Variants in JMJD1C observed in about 807,000 individuals in gnomAD.
The protein encoded by JMJD1C is jumonji domain containing 1C.
JMJD1C carries 31 observed loss-of-function variants against 245.3 expected under a neutral mutation model. The ratio of observed to expected loss-of-function variants is 0.13; its 90% CI spans 0.09 to 0.17. The LOEUF (loss-of-function observed/expected upper bound fraction) is 0.17, where lower values mean the gene tolerates loss of function less well. Among genes scored for constraint, JMJD1C ranks in the 10% least tolerant of loss-of-function variants. JMJD1C has a pLI of 1.00. For missense variants in JMJD1C, 2,691 were observed against 3,000.2 expected (o/e 0.90, Z 2.41); for synonymous variants, 1,057 against 1,017.4 (o/e 1.04, Z -0.74).
intron 1 of JMJD1C, among the ~76,000 whole-genome samples, chr10:63,475,403 T>C (rs1229515338): frequency 6.6e-6 from 1 of 152,126 alleles, no homozygotes; most frequent in South Asian, 2.1e-4. Flanking sequence ...ATGAAAATAG[T>C]TAGCGCTACC....
At chr10:63,234,510 A>ACAAAAC (rs1564654868) in intron 3 of JMJD1C, among the ~76,000 whole-genome samples, 2 of 149,822 alleles carry the variant, frequency 1.3e-5, no homozygotes, top group African/African-American at 4.9e-5. Flanking sequence ...AAAAAAAAAA[A>ACAAAAC]AAAAAAAAAA....
At chr10:63,200,804 A>G (rs1315512523) in intron 10 of JMJD1C, 127 bp from the exon 11 acceptor site, 4 of 770,776 alleles carry the variant, frequency 5.2e-6, no homozygotes, top group Non-Finnish European at 6.3e-6. Context: ...AAGCAAAGAC[A>G]TTAAGAGCTC....
upstream of JMJD1C, among the ~76,000 whole-genome samples, chr10:63,468,368 G>A (rs1310425937): frequency 6.6e-6 from 1 of 151,736 alleles, no homozygotes; most frequent in Non-Finnish European, 1.5e-5. Context: ...TTTGTTTGCT[G>A]GCATTTTTTG....
intron 1 of JMJD1C, among the ~76,000 whole-genome samples, chr10:63,493,679 G>C (rs2393976): frequency 0.14 from 21,070 of 152,166 alleles, 2,098 homozygotes; most frequent in Admixed American, 0.29. Context: ...CATATTATTA[G>C]ATAATAAATT....
rs1841975942 is a variant in JMJD1C, at chr10:63,167,651, T to G, written c.*394A>C. 6.4e-6 allele frequency: 1 copy of G among 155,518 alleles called. No homozygotes were observed. Among genetic ancestry groups the G allele is most frequent in the Non-Finnish European group, 1.4e-5 (1 of 69,980 alleles). The allele number at this position is 155,518 out of a possible 1,614,324, so 9.6% of individuals were successfully genotyped here. ...TGGTGTTTGTGTCCTATTCTCACAG[T>G]AACTGTCTCAATGTAGTGAAAAATA... On this transcript the variant is annotated 3_prime_UTR_variant, in exon 26 of 26. Coordinates refer to ENST00000399262, the MANE Select transcript of JMJD1C (RefSeq NM_032776.3).
chr10:63,326,746 G>A (rs985002792), intron 2 of JMJD1C, among the ~76,000 whole-genome samples: 2 of 152,194 alleles, frequency 1.3e-5, no homozygotes, highest in Admixed American at 6.5e-5. Context: ...TAGCGTGGTG[G>A]TGGGTGCCTA....
intron 2 of JMJD1C, among the ~76,000 whole-genome samples, chr10:63,355,764 G>A (rs1944787020): frequency 6.6e-6 from 1 of 151,908 alleles, no homozygotes; most frequent in African/African-American, 2.4e-5. Flanking sequence ...AAGGTAATGT[G>A]TGCTCATGTG....
At chr10:63,355,881 T>C (rs1487074660) in intron 2 of JMJD1C, among the ~76,000 whole-genome samples, 1 of 152,200 alleles carries the variant, frequency 6.6e-6, no homozygotes, top group Non-Finnish European at 1.5e-5. Flanking sequence ...GGCTAGCTGA[T>C]TTAAAGCCCA....
chr10:63,369,694 T>C (rs1370365755), intron 2 of JMJD1C, among the ~76,000 whole-genome samples: 1 of 152,188 alleles, frequency 6.6e-6, no homozygotes, highest in Non-Finnish European at 1.5e-5. Context: ...CGTTCAAATA[T>C]ATTCATTTTG....
At chr10:63,279,113 G>A (rs913250625) in intron 2 of JMJD1C, among the ~76,000 whole-genome samples, 6 of 151,712 alleles carry the variant, frequency 4.0e-5, no homozygotes, top group African/African-American at 1.5e-4. Flanking sequence ...TCTCCGGTGT[G>A]TTGGCGGGCG....
At chr10:63,345,594 GTTATATACT>G (rs1340390813) in intron 2 of JMJD1C, among the ~76,000 whole-genome samples, 1 of 151,928 alleles carries the variant, frequency 6.6e-6, no homozygotes, top group Admixed American at 6.6e-5. Flanking sequence ...GCTTTGAAAG[GTTATATACT>G]TTATCATTAC....
intron 2 of JMJD1C, among the ~76,000 whole-genome samples, chr10:63,361,695 G>A (rs1221318766): frequency 3.2e-5 from 4 of 125,966 alleles, no homozygotes; most frequent in Non-Finnish European, 6.1e-5. Context: ...TCCAGCCTGG[G>A]CAACAGAACA....
chr10:63,427,874 C>A, intron 1 of JMJD1C: 1 of 806,720 alleles, frequency 1.2e-6, no homozygotes, highest in Non-Finnish European at 2.2e-6. Flanking sequence ...AAGGAGATGG[C>A]ACTGGCAGCT....
chr10:63,458,160 T>G (rs1236311060), intron 1 of JMJD1C, among the ~76,000 whole-genome samples: 2 of 152,200 alleles, frequency 1.3e-5, no homozygotes, highest in Non-Finnish European at 2.9e-5. Context: ...TCCCTAAATC[T>G]TTCTTTGTCA....
intron 21 of JMJD1C, among the ~76,000 whole-genome samples, chr10:63,183,838 T>C (rs1216098338): frequency 6.6e-6 from 1 of 152,238 alleles, no homozygotes; most frequent in Admixed American, 6.5e-5. Context: ...TGGCTGTTAA[T>C]TCCTAACATG....
intron 2 of JMJD1C, among the ~76,000 whole-genome samples, chr10:63,293,341 A>C (rs1244023035): frequency 6.6e-6 from 1 of 152,038 alleles, no homozygotes. Context: ...GAACCAAACA[A>C]ATCTTTCTGC....
chr10:63,308,751 CAA>C (rs377153800), intron 2 of JMJD1C, among the ~76,000 whole-genome samples: 1,591 of 49,810 alleles, frequency 0.032, 12 homozygotes, highest in African/African-American at 0.074. Flanking sequence ...CATTTGAGAA[CAA>C]AAAAAAAAAA....
chr10:63,226,670 G>A (rs1196436701), intron 3 of JMJD1C, among the ~76,000 whole-genome samples: 2 of 143,930 alleles, frequency 1.4e-5, no homozygotes, highest in Non-Finnish European at 3.0e-5. Context: ...AGCTATAATC[G>A]TGCCACTGTA....
At chr10:63,254,563 A>T (rs376682821) in intron 3 of JMJD1C, among the ~76,000 whole-genome samples, 1 of 152,114 alleles carries the variant, frequency 6.6e-6, no homozygotes, top group Admixed American at 6.6e-5. Flanking sequence ...TTTTTGAGAC[A>T]AGAGTCTCAC....
Sources: allele counts gnomAD v4.1 joint callset (sites outside exome capture counted in the v4.1 genomes callset), GRCh38; gene constraint gnomAD v4.1.1; transcripts MANE v1.5; gene names NCBI Gene and HGNC (gene_info 2026-07-23, HGNC 2026-07-21).